Variants in CCDC77 observed in about 807,000 individuals in gnomAD.
The protein encoded by CCDC77 is coiled-coil domain-containing protein 77.
CCDC77 carries 56 observed loss-of-function variants against 66.8 expected under a neutral mutation model. That is an observed-to-expected ratio of 0.84 (90% CI 0.68 to 1.05). The LOEUF (loss-of-function observed/expected upper bound fraction) is 1.05. Among genes scored for constraint, CCDC77 ranks in the 50% least tolerant of loss-of-function variants. CCDC77 has a pLI of 0.00. For missense variants in CCDC77, 570 were observed against 576.8 expected (o/e 0.99, Z 0.12); for synonymous variants, 196 against 195.2 (o/e 1.00, Z -0.03).
At chr12:423,567 C>T (rs1177476601) in intron 5 of CCDC77, among the ~76,000 whole-genome samples, 1 of 144,234 alleles carries the variant, frequency 6.9e-6, no homozygotes, top group Non-Finnish European at 1.5e-5. Flanking sequence ...ATGATCACAG[C>T]TCACTGCAGC....
chr12:406,413 G>A (rs181452082), intron 2 of CCDC77, among the ~76,000 whole-genome samples: 22 of 152,296 alleles, frequency 1.4e-4, no homozygotes, highest in Admixed American at 1.1e-3. Flanking sequence ...TGCCTGGCAC[G>A]TTTGAAGAAC....
intron 9 of CCDC77, among the ~76,000 whole-genome samples, chr12:435,779 C>A (rs1303106018): frequency 1.3e-5 from 2 of 152,194 alleles, no homozygotes; most frequent in Non-Finnish European, 2.9e-5. Context: ...TACCCTGTTG[C>A]CCAGGCTGGA....
At position 438,382 on chromosome 12, in the gene CCDC77, T is replaced by G; in HGVS notation, c.869T>G (p.Leu290Arg). The G allele has an allele frequency of 1.9e-6, 3 of 1,614,098 alleles. No homozygotes were observed. Among genetic ancestry groups the G allele is most frequent in the Non-Finnish European group, 2.5e-6 (3 of 1,179,998 alleles). ...ELLYESTKDF[L>R]QLRSENQNKE... ...CTCTATGAGAGCACCAAAGATTTTCTGCAACTCAGATCTGAAAACCAAAAT... is the reference window on the plus strand; with the variant it reads ...CTCTATGAGAGCACCAAAGATTTTCGGCAACTCAGATCTGAAAACCAAAAT... The change falls in exon 10 of 13, where the codon CTG (leucine) becomes CGG (arginine). Residue 290 changes from leucine (L) to arginine (R), a missense_variant. By Grantham distance (102) the Leu-to-Arg change is moderately radical. Coordinates refer to ENST00000239830, the MANE Select transcript of CCDC77 (RefSeq NM_032358.4).
intron 7 of CCDC77, 37 bp from the exon 8 acceptor site, chr12:431,829 G>A (rs774924448): frequency 1.6e-4 from 228 of 1,392,056 alleles, no homozygotes; most frequent in Non-Finnish European, 2.2e-4. Context: ...GAAAAGCTGA[G>A]TAAAATCTTC....
chr12:406,964 A>G (rs1457162851), intron 2 of CCDC77, among the ~76,000 whole-genome samples: 1 of 152,206 alleles, frequency 6.6e-6, no homozygotes, highest in Non-Finnish European at 1.5e-5. Flanking sequence ...CAAAAGTGGA[A>G]CGAGGAGACC....
At position 418,681 on chromosome 12, in the gene CCDC77, ACATT is replaced by A. The variant is rs113437345; in HGVS notation, c.413+74_413+77del. On this transcript the variant is annotated intron_variant, in intron 5 of 12. Coordinates refer to ENST00000239830, the MANE Select transcript of CCDC77 (RefSeq NM_032358.4). ...AAATGTTGGAGTTTAACTTTAAATT[ACATT>A]CATTCATTCATTCATTCATTCATTC... 686 of 1,541,864 alleles carry A rather than the reference ACATT, an allele frequency of 4.4e-4. 1 individual carries two copies. The highest frequency in any genetic ancestry group is 3.3e-3 in the Middle Eastern group (19 of 5,764).
intron 4 of CCDC77, among the ~76,000 whole-genome samples, chr12:413,830 G>A (rs1945167279): frequency 6.6e-6 from 1 of 151,220 alleles, no homozygotes; most frequent in East Asian, 2.0e-4. Flanking sequence ...GTTTCACTGT[G>A]TTGCCCAGGC....
intron 1 of CCDC77, among the ~76,000 whole-genome samples, chr12:395,616 G>T (rs957524002): frequency 3.3e-5 from 5 of 152,046 alleles, no homozygotes; most frequent in African/African-American, 1.2e-4. Context: ...AGTACAGGCC[G>T]AGTGTGCTGG....
chr12:439,873 A>T (rs918495664), intron 10 of CCDC77, among the ~76,000 whole-genome samples: 1 of 152,222 alleles, frequency 6.6e-6, no homozygotes, highest in Non-Finnish European at 1.5e-5. Flanking sequence ...CTGGAAGTCC[A>T]TTGTATTAAT....
chr12:414,745 C>T (rs1027798101), intron 4 of CCDC77, among the ~76,000 whole-genome samples: 4 of 152,074 alleles, frequency 2.6e-5, no homozygotes, highest in African/African-American at 4.8e-5. Context: ...CCCCCTAAAC[C>T]GAATCATTTG....
intron 1 of CCDC77, among the ~76,000 whole-genome samples, chr12:395,837 T>C (rs548937075): frequency 4.5e-4 from 68 of 152,232 alleles, no homozygotes; most frequent in Middle Eastern, 3.4e-3. Flanking sequence ...GAGGTTGCAG[T>C]GGGCTGAGAT....
chr12:423,339 C>T (rs1350040372), intron 5 of CCDC77, among the ~76,000 whole-genome samples: 5 of 146,476 alleles, frequency 3.4e-5, no homozygotes, highest in African/African-American at 1.2e-4. Context: ...AAGGTTTCAC[C>T]ATGTTTCCCA....
intron 1 of CCDC77, among the ~76,000 whole-genome samples, chr12:394,099 A>G (rs1253314486): frequency 1.3e-5 from 2 of 152,176 alleles, no homozygotes; most frequent in South Asian, 2.1e-4. Flanking sequence ...AACAAATACC[A>G]TTAGTTGTTT....
At chr12:405,115 A>C (rs2137536280) in intron 1 of CCDC77, among the ~76,000 whole-genome samples, 1 of 152,362 alleles carries the variant, frequency 6.6e-6, no homozygotes. Context: ...CAGCCACAAA[A>C]AGGAATGAAG....
At chr12:422,777 A>AT (rs1555145457) in intron 5 of CCDC77, among the ~76,000 whole-genome samples, 2 of 151,908 alleles carry the variant, frequency 1.3e-5, no homozygotes, top group Non-Finnish European at 2.9e-5. Context: ...TGTCTGGCTA[A>AT]TTTTTTTTGT....
At position 428,788 on chromosome 12, in the gene CCDC77, A is replaced by C. The variant is rs1313521175; in HGVS notation, c.433A>C (p.Lys145Gln). The change falls in exon 6 of 13, where the codon AAG becomes CAG. Residue 145 changes from lysine to glutamine, a missense_variant. Lys to Gln is a moderately conservative substitution (Grantham distance 53). Transcript: ENST00000239830. ...LRIRELEDKK[K>Q]IQNLLALVGT... ...TTGCAGGGAGCTAGAAGACAAGAAA[A>C]AGATTCAGAATCTCTTGGCTCTTGT... 4 of 1,611,576 alleles carry C rather than the reference A, an allele frequency of 2.5e-6. No homozygotes were observed. In the East Asian group the frequency reaches 6.7e-5, roughly 27 times the overall value.
intron 12 of CCDC77, 22 bp from the exon 13 acceptor site, chr12:441,745 CTTTTTTT>C (rs34054482): frequency 6.2e-6 from 9 of 1,440,908 alleles, no homozygotes; most frequent in Non-Finnish European, 8.4e-6. Flanking sequence ...ATCATCATTT[CTTTTTTT>C]TTTTTTTTTT....
intron 7 of CCDC77, among the ~76,000 whole-genome samples, chr12:431,210 TTC>T (rs143059491): frequency 0.42 from 35,629 of 84,424 alleles, 3,579 homozygotes; most frequent in South Asian, 0.5. Context: ...TTTTGCTCAG[TTC>T]TTTTTTTTTT....
chr12:429,990 A>ATATT (rs1037741977), intron 6 of CCDC77, among the ~76,000 whole-genome samples: 1 of 151,776 alleles, frequency 6.6e-6, no homozygotes, highest in Non-Finnish European at 1.5e-5. Flanking sequence ...TTATTTATTT[A>ATATT]TATTTATTTA....
Sources: allele counts gnomAD v4.1 joint callset (sites outside exome capture counted in the v4.1 genomes callset), GRCh38; gene constraint gnomAD v4.1.1; transcripts MANE v1.5; gene names NCBI Gene and HGNC (gene_info 2026-07-23, HGNC 2026-07-21).